Variants in GMDS observed in about 807,000 individuals in gnomAD.
GMDS encodes the protein GDP-mannose 4,6-dehydratase, also known as GDP-mannose 4,6 dehydratase.
A neutral mutation model predicts 49.9 loss-of-function variants in GMDS; 20 were observed. That is an observed-to-expected ratio of 0.40 (90% CI 0.28 to 0.58). GMDS has a LOEUF of 0.58. GMDS is among the 20% of genes least tolerant of loss of function. The pLI is 0.42. For synonymous variants in GMDS, 177 were observed against 178.6 expected (o/e 0.99, Z 0.07); for missense variants, 362 against 481.4 (o/e 0.75, Z 2.32).
chr6:1,780,014 C>T (rs1014163105), intron 7 of GMDS, among the ~76,000 whole-genome samples: 6 of 152,352 alleles, frequency 3.9e-5, no homozygotes, highest in Admixed American at 6.5e-5. Context: ...GAGGACACAT[C>T]CCACCCAACA....
At chr6:1,781,278 C>G (rs1250880568) in intron 7 of GMDS, among the ~76,000 whole-genome samples, 2 of 152,198 alleles carry the variant, frequency 1.3e-5, no homozygotes, top group Non-Finnish European at 1.5e-5. Context: ...GGTTCAGGTC[C>G]CGGGTGAAGG....
chr6:1,794,554 T>G (rs115909525), intron 7 of GMDS, among the ~76,000 whole-genome samples: 2,036 of 152,286 alleles, frequency 0.013, 22 homozygotes, highest in Non-Finnish European at 0.021. Context: ...GTACTAGCCT[T>G]AGAGAATTTG....
At chr6:2,205,793 G>A (rs1350872658) in intron 1 of GMDS, among the ~76,000 whole-genome samples, 2 of 152,234 alleles carry the variant, frequency 1.3e-5, no homozygotes, top group Non-Finnish European at 2.9e-5. Flanking sequence ...GGAGGGGGGT[G>A]TTGTAGGCTT....
intron 1 of GMDS, among the ~76,000 whole-genome samples, chr6:2,158,042 CA>C (rs1230512856): frequency 2.6e-5 from 4 of 152,162 alleles, no homozygotes; most frequent in Admixed American, 6.5e-5. Flanking sequence ...CCTCAGCCCC[CA>C]AAACCACATC....
chr6:1,675,289 C>T (rs558786943), intron 9 of GMDS, among the ~76,000 whole-genome samples: 8 of 150,750 alleles, frequency 5.3e-5, no homozygotes, highest in South Asian at 2.1e-4. Context: ...AAACTTGTAT[C>T]GTGCAACCTT....
intron 9 of GMDS, among the ~76,000 whole-genome samples, chr6:1,715,377 T>C (rs1766137489): frequency 6.6e-6 from 1 of 152,262 alleles, no homozygotes; most frequent in Admixed American, 6.5e-5. Flanking sequence ...CTGTAAAGCA[T>C]AAGAATGATT....
At chr6:1,641,637 T>G (rs547622487) in intron 9 of GMDS, among the ~76,000 whole-genome samples, 1 of 152,180 alleles carries the variant, frequency 6.6e-6, no homozygotes, top group Non-Finnish European at 1.5e-5. Context: ...ACAGGAGCGC[T>G]CCATTCTGCT....
intron 1 of GMDS, among the ~76,000 whole-genome samples, chr6:2,231,631 C>T (rs190306729): frequency 9.9e-5 from 15 of 151,816 alleles, no homozygotes; most frequent in Non-Finnish European, 2.2e-4. Flanking sequence ...TCTGAAACAA[C>T]CAACAAACGA....
At chr6:2,068,576 T>C (rs1464481430) in intron 4 of GMDS, among the ~76,000 whole-genome samples, 1 of 151,932 alleles carries the variant, frequency 6.6e-6, no homozygotes, top group Non-Finnish European at 1.5e-5. Context: ...AGTCTCAGGA[T>C]ACAAAATCAA....
At chr6:1,637,436 C>T (rs138615258) in intron 9 of GMDS, among the ~76,000 whole-genome samples, 3 of 152,356 alleles carry the variant, frequency 2.0e-5, no homozygotes, top group South Asian at 2.1e-4. Flanking sequence ...AACTCTCCCC[C>T]GTGAAGGCAC....
At chr6:1,660,684 A>T (rs1258771158) in intron 9 of GMDS, among the ~76,000 whole-genome samples, 5 of 149,288 alleles carry the variant, frequency 3.3e-5, no homozygotes, top group African/African-American at 1.2e-4. Flanking sequence ...GGCATATCTC[A>T]AACAAGATGT....
chr6:2,160,862 T>C (rs925963718), intron 1 of GMDS, among the ~76,000 whole-genome samples: 1 of 152,148 alleles, frequency 6.6e-6, no homozygotes, highest in Non-Finnish European at 1.5e-5. Context: ...TCAAACTCAA[T>C]TTACTGAATG....
chr6:1,710,123 G>A (rs576377508), intron 9 of GMDS, among the ~76,000 whole-genome samples: 10 of 152,310 alleles, frequency 6.6e-5, no homozygotes, highest in Admixed American at 2.6e-4. Context: ...ACAGCTGTAC[G>A]CTTCCCAAGA....
chr6:1,709,048 A>C (rs1390039726), intron 9 of GMDS, among the ~76,000 whole-genome samples: 4 of 152,198 alleles, frequency 2.6e-5, no homozygotes, highest in African/African-American at 9.7e-5. Context: ...AACCGTGTAC[A>C]CTGACTCAGC....
intron 7 of GMDS, among the ~76,000 whole-genome samples, chr6:1,896,582 G>A (rs1034948313): frequency 6.6e-6 from 1 of 152,130 alleles, no homozygotes; most frequent in Non-Finnish European, 1.5e-5. Flanking sequence ...GGAGGAGAGG[G>A]GGTGTCAGGT....
At chr6:1,784,390 CAAAAAAAAAAA>C (rs780517217) in intron 7 of GMDS, among the ~76,000 whole-genome samples, 17 of 40,494 alleles carry the variant, frequency 4.2e-4, no homozygotes, top group African/African-American at 8.2e-4. Context: ...AGACTCGTCT[CAAAAAAAAAAA>C]AAAAAAAAAA....
intron 1 of GMDS, among the ~76,000 whole-genome samples, chr6:2,206,638 A>G (rs1044406702): frequency 6.6e-6 from 1 of 152,208 alleles, no homozygotes; most frequent in Non-Finnish European, 1.5e-5. Context: ...ACCATATAGC[A>G]GTGGTTCTTA....
At chr6:1,655,960 C>T (rs1763866392) in intron 9 of GMDS, among the ~76,000 whole-genome samples, 2 of 152,186 alleles carry the variant, frequency 1.3e-5, no homozygotes, top group African/African-American at 2.4e-5. Flanking sequence ...TGATGTCACG[C>T]ACACCCCACA....
intron 8 of GMDS, among the ~76,000 whole-genome samples, chr6:1,735,088 T>TG (rs1766956508): frequency 6.6e-6 from 1 of 152,162 alleles, no homozygotes; most frequent in Middle Eastern, 3.2e-3. Context: ...TTCTGCTGTG[T>TG]GGGGGAAGCA....
Sources: allele counts gnomAD v4.1 joint callset (sites outside exome capture counted in the v4.1 genomes callset), GRCh38; gene constraint gnomAD v4.1.1; transcripts MANE v1.5; gene names NCBI Gene and HGNC (gene_info 2026-07-23, HGNC 2026-07-21).